The following DDB1 variants were observed in gnomAD, a reference collection of about 807,000 sequenced individuals.
DDB1 encodes damage specific DNA binding protein 1.
Under a neutral mutation model 133.1 loss-of-function variants are expected in DDB1, and 18 were observed. The ratio of observed to expected loss-of-function variants is 0.14; its 90% CI spans 0.09 to 0.20. The LOEUF (loss-of-function observed/expected upper bound fraction) is 0.20. Among genes scored for constraint, DDB1 ranks in the 10% least tolerant of loss-of-function variants. The pLI is 1.00. For synonymous variants in DDB1, 580 were observed against 550.5 expected (o/e 1.05, Z -0.75); for missense variants, 828 against 1,459.2 (o/e 0.57, Z 7.05).
At chr11:61,304,168 G>C in intron 21 of DDB1, 133 bp from the exon 22 acceptor site, 1 of 807,514 alleles carries the variant, frequency 1.2e-6, no homozygotes. Flanking sequence ...GTTTTATGAG[G>C]CACTGGGGTG....
Position 61,300,334 on chromosome 11 carries a change from G to A in DDB1, c.3340-115C>T, listed in dbSNP as rs572056805. 96 of 1,118,278 alleles carry A rather than the reference G, an allele frequency of 8.6e-5. 1 individual carries two copies. The African/African-American group carries it at 1.4e-3, about 16-fold the overall frequency. The allele number at this position is 1,118,278 out of a possible 1,614,324, so 69.3% of individuals were successfully genotyped here. On this transcript the variant is annotated intron_variant, in intron 26 of 26. Coordinates refer to ENST00000301764, the MANE Select transcript of DDB1 (RefSeq NM_001923.5). Reference sequence around the variant, plus strand: ...AGACTCCACCATTGTCATGGCAGAGGAAGGACTCACCAGAAACCCACGCCT... The same window carrying A: ...AGACTCCACCATTGTCATGGCAGAGAAAGGACTCACCAGAAACCCACGCCT...
chr11:61,313,210 C>T (rs1339268319), intron 16 of DDB1, among the ~76,000 whole-genome samples: 1 of 152,146 alleles, frequency 6.6e-6, no homozygotes, highest in Non-Finnish European at 1.5e-5. Flanking sequence ...ACAAAATGAT[C>T]TCTAAATTAG....
At chr11:61,327,296 C>A (rs528720965) in intron 4 of DDB1, among the ~76,000 whole-genome samples, 212 of 152,214 alleles carry the variant, frequency 1.4e-3, no homozygotes, top group African/African-American at 4.7e-3. Context: ...ACGGCAAAAC[C>A]CCGTCCCTGC....
intron 10 of DDB1, among the ~76,000 whole-genome samples, chr11:61,320,589 T>G (rs1029997835): frequency 4.0e-5 from 6 of 151,548 alleles, no homozygotes; most frequent in African/African-American, 1.5e-4. Context: ...GGGATCCTGC[T>G]ATGTTGCCCA....
At position 61,303,934 on chromosome 11, in the gene DDB1, G is replaced by A; in HGVS notation, c.2763C>T (p.Ile921=). Residue 921 remains isoleucine (I), a synonymous_variant, in exon 22 of 27, where the codon ATC becomes ATT. Coordinates refer to ENST00000301764, the MANE Select transcript of DDB1 (RefSeq NM_001923.5). ...CTGAGCGCATAAGGTCGCCCACCAG[G>A]ATGAAGTCGCCCTTGGTCTTCAGGT... ...ALYLKTKGDF[I]LVGDLMRSVL... The A allele has an allele frequency of 6.2e-7, 1 of 1,614,060 alleles. No homozygotes were observed. The highest frequency in any genetic ancestry group is 1.1e-5 in the South Asian group (1 of 91,076).
chr11:61,329,204 G>A (rs769595832), intron 4 of DDB1, 159 bp downstream of exon 4: 5 of 670,362 alleles, frequency 7.5e-6, no homozygotes, highest in Admixed American at 2.5e-5. Flanking sequence ...AAGAAGCAAC[G>A]AAAGTCTGAC....
chr11:61,325,601 C>A lies in DDB1; in HGVS notation c.762+10G>T. ...AAGATGAAAGGAAAAAAAGGTAGGA[C>A]TGCGCTCACCTTGATGATAGGAGGG... On this transcript the variant is annotated intron_variant, in intron 6 of 26. Transcript: ENST00000301764. 1 of 1,610,672 alleles carries A rather than the reference C, an allele frequency of 6.2e-7. No individual in the cohort carries two copies. Among genetic ancestry groups the A allele is most frequent in the Non-Finnish European group, 8.5e-7 (1 of 1,177,608 alleles).
At chr11:61,302,070 A>C in intron 25 of DDB1, 187 bp downstream of exon 25, 4 of 549,368 alleles carry the variant, frequency 7.3e-6, no homozygotes, top group Non-Finnish European at 9.8e-6. Flanking sequence ...TTTGGGAGTC[A>C]ATATACTGTT....
In DDB1 at chr11:61,314,297, A is replaced by C. The variant is rs755267728; in HGVS notation, c.1589+11T>G. 84 of 1,602,826 alleles carry C rather than the reference A, an allele frequency of 5.2e-5. No individual in the cohort carries two copies. The highest frequency in any genetic ancestry group is 6.6e-5 in the Non-Finnish European group (78 of 1,175,026). ...GAGGAGGAAAGCGAGCAGACAGAAA[A>C]ACACACACACCTGATCTGCCGGAGC... is the stretch of plus-strand genomic sequence containing the variant. On this transcript the variant is annotated intron_variant, in intron 13 of 26. Transcript: ENST00000301764.
At chr11:61,300,291 C>T in intron 26 of DDB1, 72 bp from the exon 27 acceptor site, 1 of 1,461,264 alleles carries the variant, frequency 6.8e-7, no homozygotes. Context: ...AGGGAATGCC[C>T]CCAGTGAAGG....
At chr11:61,312,348 T>A (rs1487982196) in intron 16 of DDB1, among the ~76,000 whole-genome samples, 2 of 152,148 alleles carry the variant, frequency 1.3e-5, no homozygotes, top group African/African-American at 4.8e-5. Flanking sequence ...AAATCAACGC[T>A]CCAGGAATGT....
At chr11:61,332,790 C>T (rs1856423043) in intron 1 of DDB1, 118 bp downstream of exon 1, 2 of 875,134 alleles carry the variant, frequency 2.3e-6, no homozygotes, top group Non-Finnish European at 1.6e-6. Context: ...CGGCCGCCAG[C>T]GCCTTCCATT....
chr11:61,302,235 G>A lies in DDB1; in HGVS notation c.3215+22C>T, dbSNP rs372159527. The A allele has an allele frequency of 5.6e-6, 9 of 1,601,700 alleles. No homozygotes were observed. In the African/African-American group the frequency reaches 1.1e-4, roughly 19 times the overall value. ...ATGCCGGGATGTGCTTCCCAGCAAGGGGATGGCTCTGGGAAGGATATAAGG... is the reference window on the plus strand; with the variant it reads ...ATGCCGGGATGTGCTTCCCAGCAAGAGGATGGCTCTGGGAAGGATATAAGG... On this transcript the variant is annotated intron_variant, in intron 25 of 26. Transcript: ENST00000301764.
At chr11:61,303,750 C>T (rs145854471) in intron 22 of DDB1, 115 bp downstream of exon 22, 1 of 1,098,102 alleles carries the variant, frequency 9.1e-7, no homozygotes, top group African/African-American at 1.6e-5. Flanking sequence ...ATGTCTGCTC[C>T]GGGGAAAACA....
Position 61,312,069 on chromosome 11 carries a change from G to A in DDB1, c.2085C>T (p.Asn695=). ...DGYPDSLALA[N]NSTLTIGTID... is the part of the protein sequence containing the mutation. Reference sequence around the variant, plus strand: ...TGGTGCCAATGGTGAGGGTGCTATTGTTGGCCAGCGCCAGGCTGGAAAGAA... The same window carrying A: ...TGGTGCCAATGGTGAGGGTGCTATTATTGGCCAGCGCCAGGCTGGAAAGAA... The change falls in exon 17 of 27, where the codon AAC becomes AAT. Residue 695 remains asparagine (N), a synonymous_variant. Transcript: ENST00000301764. 2 of 1,614,240 alleles carry A rather than the reference G, an allele frequency of 1.2e-6. No individual in the cohort carries two copies. Among genetic ancestry groups the A allele is most frequent in the Non-Finnish European group, 1.7e-6 (2 of 1,180,044 alleles).
At chr11:61,321,569 C>T (rs747502833) in intron 10 of DDB1, 26 bp downstream of exon 10, 8 of 1,608,936 alleles carry the variant, frequency 5.0e-6, no homozygotes, top group East Asian at 4.5e-5. Flanking sequence ...GTAAGATCTA[C>T]ATCCTATGCC....
In DDB1 at chr11:61,300,649, T is replaced by C. The variant is rs539999671; in HGVS notation, c.3339+160A>G. On this transcript the variant is annotated intron_variant, in intron 26 of 26. Coordinates refer to ENST00000301764, the MANE Select transcript of DDB1 (RefSeq NM_001923.5). ...TACCCACGAGCCACAACTACAAACA[T>C]CTCTTTTCCCTCAGACTCCACCTTC... is the stretch of plus-strand genomic sequence containing the variant. Among the ~76,000 whole-genome samples, 12 of 152,296 alleles carry C rather than the reference T, an allele frequency of 7.9e-5. No individual in the cohort carries two copies. In the East Asian group the frequency reaches 1.4e-3, roughly 17 times the overall value.
chr11:61,314,612 T>G, intron 12 of DDB1, 126 bp from the exon 13 acceptor site: 1 of 955,494 alleles, frequency 1.0e-6, no homozygotes, highest in Non-Finnish European at 1.5e-6. Flanking sequence ...CTATTTCTTA[T>G]TCCCCAAAGT....
intron 7 of DDB1, 39 bp from the exon 8 acceptor site, chr11:61,323,133 A>T: frequency 6.4e-7 from 1 of 1,551,446 alleles, no homozygotes; most frequent in Non-Finnish European, 8.9e-7. Flanking sequence ...ATGAGAATGG[A>T]CCCTACGTGG....
Sources: gnomAD v4.1 joint callset for allele counts (sites outside exome capture counted in the v4.1 genomes callset) on GRCh38, gnomAD v4.1.1 for gene constraint, MANE v1.5 for transcripts, NCBI Gene and HGNC (gene_info 2026-07-23, HGNC 2026-07-21) for gene names.